HCN1: variants seen among roughly 807,000 people sequenced by gnomAD.
HCN1 encodes potassium/sodium hyperpolarization-activated cyclic nucleotide-gated channel 1.
A neutral mutation model predicts 78.9 loss-of-function variants in HCN1; 13 were observed. The observed-to-expected ratio is 0.16, with a 90% CI of 0.11 to 0.26. HCN1 has a LOEUF of 0.26. Ranked by LOEUF, HCN1 falls within the 10% of genes least tolerant of loss-of-function variation. HCN1 has a pLI of 1.00. For missense variants in HCN1, 810 were observed against 1,154.3 expected (o/e 0.70, Z 4.32); for synonymous variants, 552 against 455.5 (o/e 1.21, Z -2.70).
At chr5:45,633,199 T>C (rs1478521526) in intron 2 of HCN1, among the ~76,000 whole-genome samples, 1 of 151,996 alleles carries the variant, frequency 6.6e-6, no homozygotes, top group Non-Finnish European at 1.5e-5. Flanking sequence ...CATTTAAGGA[T>C]CTTTCAAAAA....
chr5:45,266,865 C>T (rs372440549), intron 7 of HCN1, among the ~76,000 whole-genome samples: 7 of 152,016 alleles, frequency 4.6e-5, no homozygotes, highest in African/African-American at 1.7e-4. Context: ...CACGCCACCA[C>T]ACCCGGCTAA....
At chr5:45,495,592 TTCCTTC>T (rs1445171333) in intron 2 of HCN1, among the ~76,000 whole-genome samples, 2 of 152,210 alleles carry the variant, frequency 1.3e-5, no homozygotes, top group African/African-American at 4.8e-5. Flanking sequence ...TACACTTTAT[TTCCTTC>T]TCCTAACTGA....
chr5:45,273,085 C>T (rs775707660), intron 6 of HCN1, among the ~76,000 whole-genome samples: 2 of 151,938 alleles, frequency 1.3e-5, no homozygotes, highest in Admixed American at 6.6e-5. Flanking sequence ...CATCTGGATG[C>T]GTATTTACAT....
chr5:45,269,854 A>G (rs1013855448), intron 6 of HCN1, among the ~76,000 whole-genome samples: 3 of 152,064 alleles, frequency 2.0e-5, no homozygotes, highest in African/African-American at 4.8e-5. Flanking sequence ...CCTGTTTAGT[A>G]TTCTTCCAGG....
intron 2 of HCN1, among the ~76,000 whole-genome samples, chr5:45,630,127 C>A (rs976893690): frequency 3.3e-5 from 5 of 152,146 alleles, no homozygotes; most frequent in Non-Finnish European, 7.4e-5. Context: ...GCACCATCAT[C>A]GGCCCCCTAA....
At chr5:45,464,590 G>A (rs978773286) in intron 2 of HCN1, among the ~76,000 whole-genome samples, 21 of 152,284 alleles carry the variant, frequency 1.4e-4, no homozygotes, top group African/African-American at 4.3e-4. Context: ...GTTAATAGCA[G>A]AGGCAAATTT....
chr5:45,289,882 T>C (rs1427009131), intron 6 of HCN1, among the ~76,000 whole-genome samples: 2 of 151,980 alleles, frequency 1.3e-5, no homozygotes, highest in Non-Finnish European at 2.9e-5. Flanking sequence ...CTAGGTTACA[T>C]ACTGCCTTCT....
intron 4 of HCN1, among the ~76,000 whole-genome samples, chr5:45,355,644 T>G (rs1185153555): frequency 6.6e-6 from 1 of 151,938 alleles, no homozygotes; most frequent in Non-Finnish European, 1.5e-5. Flanking sequence ...GAAGAAAATA[T>G]ATACATCATT....
chr5:45,495,812 G>C (rs930104052), intron 2 of HCN1, among the ~76,000 whole-genome samples: 8 of 152,196 alleles, frequency 5.3e-5, no homozygotes, highest in East Asian at 3.9e-4. Context: ...TAGCATGAAG[G>C]GTTGTTGAAT....
At chr5:45,622,582 G>A (rs1745090050) in intron 2 of HCN1, among the ~76,000 whole-genome samples, 1 of 152,040 alleles carries the variant, frequency 6.6e-6, no homozygotes, top group South Asian at 2.1e-4. Context: ...AATAAAAATA[G>A]GAAGCTAGCT....
At chr5:45,367,629 C>T (rs1044067643) in intron 4 of HCN1, among the ~76,000 whole-genome samples, 2 of 151,832 alleles carry the variant, frequency 1.3e-5, no homozygotes, top group Non-Finnish European at 2.9e-5. Context: ...AACTAATGGT[C>T]ACTGGTTGAT....
intron 3 of HCN1, among the ~76,000 whole-genome samples, chr5:45,447,732 T>C (rs896787247): frequency 6.6e-6 from 1 of 152,144 alleles, no homozygotes; most frequent in African/African-American, 2.4e-5. Flanking sequence ...AAATATTTCA[T>C]ATCAGAAAGC....
intron 6 of HCN1, among the ~76,000 whole-genome samples, chr5:45,294,029 C>T (rs952624327): frequency 1.1e-4 from 17 of 151,906 alleles, no homozygotes; most frequent in African/African-American, 3.6e-4. Context: ...CTTCCTGCTC[C>T]TCATAAATGT....
chr5:45,686,193 A>G (rs748828275), intron 1 of HCN1, among the ~76,000 whole-genome samples: 2 of 151,690 alleles, frequency 1.3e-5, no homozygotes, highest in Non-Finnish European at 2.9e-5. Context: ...TTCTGACCCA[A>G]ACAGTTCCTA....
intron 2 of HCN1, among the ~76,000 whole-genome samples, chr5:45,608,762 T>C (rs1367812045): frequency 6.6e-6 from 1 of 151,874 alleles, no homozygotes; most frequent in African/African-American, 2.4e-5. Context: ...TAATGGAAAA[T>C]ATTAATAAAC....
intron 4 of HCN1, among the ~76,000 whole-genome samples, chr5:45,361,495 A>T (rs1177729199): frequency 6.6e-6 from 1 of 152,196 alleles, no homozygotes; most frequent in Non-Finnish European, 1.5e-5. Context: ...TATTTTCAGT[A>T]GAGATGGGGT....
chr5:45,421,559 A>C (rs1411275006), intron 3 of HCN1, among the ~76,000 whole-genome samples: 2 of 152,168 alleles, frequency 1.3e-5, no homozygotes, highest in African/African-American at 4.8e-5. Context: ...TTAAAACAAA[A>C]CAAAAAAAAA....
chr5:45,328,278 T>G (rs574215200), intron 5 of HCN1, among the ~76,000 whole-genome samples: 2 of 151,722 alleles, frequency 1.3e-5, no homozygotes, highest in South Asian at 4.1e-4. Context: ...TCTTCACAAT[T>G]TCATGAATAG....
intron 3 of HCN1, among the ~76,000 whole-genome samples, chr5:45,429,733 T>C (rs1740425253): frequency 6.6e-6 from 1 of 152,166 alleles, no homozygotes; most frequent in African/African-American, 2.4e-5. Flanking sequence ...TGTGGTAGGC[T>C]GGCAGATAGG....
Sources: gnomAD v4.1 joint callset for allele counts (sites outside exome capture counted in the v4.1 genomes callset) on GRCh38, gnomAD v4.1.1 for gene constraint, MANE v1.5 for transcripts, NCBI Gene and HGNC (gene_info 2026-07-23, HGNC 2026-07-21) for gene names.